Variants in IGF1R observed in about 807,000 individuals in gnomAD.
The protein encoded by IGF1R is insulin like growth factor 1 receptor, also known as insulin-like growth factor 1 receptor.
Under a neutral mutation model 144.6 loss-of-function variants are expected in IGF1R, and 44 were observed. The ratio of observed to expected loss-of-function variants is 0.30; its 90% CI spans 0.24 to 0.39. IGF1R has a LOEUF of 0.39. IGF1R is among the 10% of genes least tolerant of loss of function. The pLI is 1.00. For synonymous variants in IGF1R, 795 were observed against 722.8 expected (o/e 1.10, Z -1.60); for missense variants, 1,355 against 1,833.7 (o/e 0.74, Z 4.77).
intron 1 of IGF1R, among the ~76,000 whole-genome samples, chr15:98,696,026 CTT>C (rs11306652): frequency 0.012 from 1,362 of 115,632 alleles, 9 homozygotes; most frequent in Non-Finnish European, 0.015. Flanking sequence ...ACTTTTTCTT[CTT>C]TTTTTTTTTT....
chr15:98,924,611 C>T lies in IGF1R; in HGVS notation c.2709C>T (p.Ala903=), dbSNP rs144429232. Reference sequence around the variant, plus strand: ...GGCTAAACCCGGGGAACTACACAGCCCGGATTCAGGCCACATCTCTCTCTG... The same window carrying T: ...GGCTAAACCCGGGGAACTACACAGCTCGGATTCAGGCCACATCTCTCTCTG... ...LNRLNPGNYT[A]RIQATSLSGN... Residue 903 remains alanine, a synonymous_variant, in exon 13 of 21, where the codon GCC becomes GCT. Coordinates refer to ENST00000650285, the MANE Select transcript of IGF1R (RefSeq NM_000875.5). 34 of 1,614,012 alleles carry T rather than the reference C, an allele frequency of 2.1e-5. No homozygotes were observed. The highest frequency in any genetic ancestry group is 2.7e-5 in the Non-Finnish European group (32 of 1,180,006).
chr15:98,688,316 C>T (rs1331861318), intron 1 of IGF1R, among the ~76,000 whole-genome samples: 7 of 141,578 alleles, frequency 4.9e-5, no homozygotes, highest in Non-Finnish European at 1.1e-4. Context: ...CCTTCCTCTC[C>T]CACTCTCCCT....
At chr15:98,703,467 A>G (rs1310324278) in intron 1 of IGF1R, among the ~76,000 whole-genome samples, 1 of 152,126 alleles carries the variant, frequency 6.6e-6, no homozygotes, top group Non-Finnish European at 1.5e-5. Flanking sequence ...TGTTTCTATC[A>G]CAAAACCTCC....
At chr15:98,759,814 T>A (rs1352611873) in intron 2 of IGF1R, among the ~76,000 whole-genome samples, 1 of 152,200 alleles carries the variant, frequency 6.6e-6, no homozygotes, top group Non-Finnish European at 1.5e-5. Context: ...GAAAGAGGTG[T>A]CTGTGTGGCC....
intron 5 of IGF1R, among the ~76,000 whole-genome samples, chr15:98,900,018 T>G (rs2014401720): frequency 6.6e-6 from 1 of 152,190 alleles, no homozygotes; most frequent in Non-Finnish European, 1.5e-5. Context: ...TGTACTCTAC[T>G]ACGCACAACT....
intron 8 of IGF1R, among the ~76,000 whole-genome samples, chr15:98,914,308 C>T (rs2015146662): frequency 1.3e-5 from 2 of 152,224 alleles, no homozygotes; most frequent in African/African-American, 4.8e-5. Context: ...CACTGATAAA[C>T]ATTCTTTGAT....
At chr15:98,881,395 A>G (rs897557283) in intron 2 of IGF1R, among the ~76,000 whole-genome samples, 3 of 152,230 alleles carry the variant, frequency 2.0e-5, no homozygotes, top group African/African-American at 7.2e-5. Context: ...ATCTCAGCTC[A>G]CTGCAACCTC....
chr15:98,909,710 G>A (rs1013863044), intron 6 of IGF1R, among the ~76,000 whole-genome samples: 4 of 152,186 alleles, frequency 2.6e-5, no homozygotes, highest in Admixed American at 6.5e-5. Flanking sequence ...CCTTACACTC[G>A]GCCGCCTTGT....
chr15:98,915,992 A>G lies in IGF1R; in HGVS notation c.1857A>G (p.Ser619=). 4.3e-6 allele frequency: 7 copies of G among 1,614,056 alleles called. No individual in the cohort carries two copies. Among genetic ancestry groups the G allele is most frequent in the Middle Eastern group, 3.3e-4 (2 of 6,062 alleles). ...CTTCCATTCCCTTGGACGTTCTTTC[A>G]GCATCGAACTCCTCTTCTCAGTTAA... The part of the protein sequence containing the change: ...SVPSIPLDVL[S]ASNSSSQLIV... Residue 619 remains serine, a synonymous_variant, in exon 9 of 21, where the codon TCA becomes TCG. Coordinates refer to ENST00000650285, the MANE Select transcript of IGF1R (RefSeq NM_000875.5).
intron 2 of IGF1R, among the ~76,000 whole-genome samples, chr15:98,743,323 A>G (rs2054790541): frequency 1.3e-5 from 2 of 152,144 alleles, no homozygotes; most frequent in South Asian, 2.1e-4. Context: ...ACGAATTTTC[A>G]TGTCATTTGG....
intron 1 of IGF1R, among the ~76,000 whole-genome samples, chr15:98,678,259 AT>A (rs2053097178): frequency 1.3e-5 from 2 of 152,174 alleles, no homozygotes; most frequent in African/African-American, 4.8e-5. Context: ...TCCTAATTAA[AT>A]TTGGTTTGCT....
chr15:98,899,446 C>T (rs775741013), intron 4 of IGF1R, 31 bp from the exon 5 acceptor site: 1 of 1,611,466 alleles, frequency 6.2e-7, no homozygotes, highest in South Asian at 1.1e-5. Context: ...ACCAAGTGAG[C>T]ACACAGTGAC....
intron 2 of IGF1R, among the ~76,000 whole-genome samples, chr15:98,720,563 T>C (rs1195405920): frequency 6.6e-6 from 1 of 152,124 alleles, no homozygotes; most frequent in Non-Finnish European, 1.5e-5. Flanking sequence ...AGGAGGTGGC[T>C]GCAATTGGAA....
chr15:98,743,635 G>C (rs1290938610), intron 2 of IGF1R, among the ~76,000 whole-genome samples: 1 of 152,206 alleles, frequency 6.6e-6, no homozygotes, highest in Non-Finnish European at 1.5e-5. Flanking sequence ...GGCCCCAGAA[G>C]CCATGTTGAG....
chr15:98,681,063 C>T (rs2053176919), intron 1 of IGF1R, among the ~76,000 whole-genome samples: 1 of 151,964 alleles, frequency 6.6e-6, no homozygotes, highest in African/African-American at 2.4e-5. Flanking sequence ...TAGGCTATAC[C>T]ATTGAGGTGT....
At chr15:98,743,961 C>T (rs567363401) in intron 2 of IGF1R, among the ~76,000 whole-genome samples, 102 of 152,166 alleles carry the variant, frequency 6.7e-4, no homozygotes, top group African/African-American at 2.3e-3. Flanking sequence ...TGGCAATGCC[C>T]ATTACTGAGC....
chr15:98,820,366 TTAAA>T (rs1413101455), intron 2 of IGF1R, among the ~76,000 whole-genome samples: 1 of 152,208 alleles, frequency 6.6e-6, no homozygotes. Flanking sequence ...GCAATACAAT[TTAAA>T]TAATTTTTAA....
intron 2 of IGF1R, among the ~76,000 whole-genome samples, chr15:98,846,101 C>T (rs1173538320): frequency 6.6e-6 from 1 of 152,162 alleles, no homozygotes; most frequent in Non-Finnish European, 1.5e-5. Context: ...AAAGGAAAGA[C>T]ACTTTTCTTT....
chr15:98,906,941 G>C (rs1044185810), intron 5 of IGF1R, among the ~76,000 whole-genome samples: 1 of 152,252 alleles, frequency 6.6e-6, no homozygotes. Context: ...TGTGGACAGA[G>C]AGCCCAGTGC....
Sources: allele counts gnomAD v4.1 joint callset (sites outside exome capture counted in the v4.1 genomes callset), GRCh38; gene constraint gnomAD v4.1.1; transcripts MANE v1.5; gene names NCBI Gene and HGNC (gene_info 2026-07-23, HGNC 2026-07-21).